Variants in LEKR1 observed in about 807,000 individuals in gnomAD.
LEKR1 encodes the protein protein LEKR1.
Under a neutral mutation model 72.4 loss-of-function variants are expected in LEKR1, and 59 were observed. The observed-to-expected ratio is 0.82, with a 90% CI of 0.66 to 1.01. The LOEUF (loss-of-function observed/expected upper bound fraction) is 1.01. Ranked by LOEUF, LEKR1 falls within the 50% of genes least tolerant of loss-of-function variation. The pLI, the probability that LEKR1 is intolerant of heterozygous loss-of-function variation, is 0.00. For missense variants in LEKR1, 728 were observed against 759.2 expected, an observed-to-expected ratio of 0.96 and a Z score of 0.48; for synonymous variants, 257 against 263.2, an observed-to-expected ratio of 0.98 and a Z score of 0.23.
intron 3 of LEKR1, among the ~76,000 whole-genome samples, chr3:156,877,320 G>A (rs563952068): frequency 3.3e-5 from 5 of 152,012 alleles, no homozygotes; most frequent in African/African-American, 4.8e-5. Context: ...TTGGAATTAC[G>A]GAGATACTGG....
intron 6 of LEKR1, among the ~76,000 whole-genome samples, chr3:156,975,426 C>T (rs775938140): frequency 3.3e-5 from 5 of 152,038 alleles, no homozygotes; most frequent in Admixed American, 1.3e-4. Flanking sequence ...AAATGTTTTG[C>T]GTTTCCTTTA....
At chr3:156,847,708 A>G (rs1292432441) in intron 2 of LEKR1, among the ~76,000 whole-genome samples, 1 of 152,156 alleles carries the variant, frequency 6.6e-6, no homozygotes, top group East Asian at 1.9e-4. Flanking sequence ...TGTGCAATGT[A>G]TTTATTTAAC....
intron 3 of LEKR1, among the ~76,000 whole-genome samples, chr3:156,884,444 C>A (rs1028356952): frequency 1.3e-5 from 2 of 151,736 alleles, no homozygotes; most frequent in African/African-American, 4.8e-5. Flanking sequence ...ATTTTGAATT[C>A]CTTTTAGCAT....
chr3:156,983,470 A>G (rs1730406954), intron 7 of LEKR1, among the ~76,000 whole-genome samples: 1 of 151,962 alleles, frequency 6.6e-6, no homozygotes, highest in African/African-American at 2.4e-5. Flanking sequence ...CTCCTTTTCC[A>G]CAGATAATCT....
chr3:156,913,674 A>C (rs1034692860), intron 3 of LEKR1, among the ~76,000 whole-genome samples: 27 of 152,204 alleles, frequency 1.8e-4, no homozygotes, highest in African/African-American at 6.3e-4. Context: ...GAATAATGGC[A>C]TCATATCCCC....
intron 5 of LEKR1, among the ~76,000 whole-genome samples, chr3:156,929,465 A>C (rs1725007678): frequency 6.6e-6 from 1 of 152,162 alleles, no homozygotes; most frequent in African/African-American, 2.4e-5. Context: ...GGTGGGATTA[A>C]TTCTCCATGA....
At chr3:156,939,490 C>G (rs1452275039) in intron 5 of LEKR1, among the ~76,000 whole-genome samples, 1 of 152,128 alleles carries the variant, frequency 6.6e-6, no homozygotes, top group Non-Finnish European at 1.5e-5. Context: ...TGTAGTAAAC[C>G]CCATATATAT....
At chr3:156,926,233 A>T (rs1271269939) in intron 4 of LEKR1, among the ~76,000 whole-genome samples, 1 of 152,066 alleles carries the variant, frequency 6.6e-6, no homozygotes, top group Non-Finnish European at 1.5e-5. Context: ...CATCTAAGAT[A>T]AACTGGCCCA....
chr3:156,929,807 C>T (rs1426295787), intron 5 of LEKR1, among the ~76,000 whole-genome samples: 2 of 152,116 alleles, frequency 1.3e-5, no homozygotes, highest in Admixed American at 1.3e-4. Flanking sequence ...TTCTAAGCGT[C>T]ATCTTGAGCC....
chr3:156,898,107 A>G (rs1053360948), intron 3 of LEKR1, among the ~76,000 whole-genome samples: 1 of 152,102 alleles, frequency 6.6e-6, no homozygotes, highest in Non-Finnish European at 1.5e-5. Flanking sequence ...GAAGACTTGG[A>G]AAAAAAATAT....
intron 6 of LEKR1, among the ~76,000 whole-genome samples, chr3:156,967,916 C>T (rs1322338663): frequency 6.6e-6 from 1 of 152,226 alleles, no homozygotes; most frequent in Admixed American, 6.5e-5. Context: ...ATTAGACTAA[C>T]AGCAGATCTC....
intron 3 of LEKR1, among the ~76,000 whole-genome samples, chr3:156,894,916 G>A (rs545492902): frequency 6.6e-6 from 1 of 152,218 alleles, no homozygotes; most frequent in South Asian, 2.1e-4. Context: ...AGACTTACAT[G>A]TAAAACCCAA....
intron 4 of LEKR1, among the ~76,000 whole-genome samples, chr3:156,924,046 A>C (rs1336712957): frequency 6.6e-6 from 1 of 152,114 alleles, no homozygotes; most frequent in Admixed American, 6.5e-5. Context: ...TTAATTTTTT[A>C]ACTGCCAACC....
chr3:156,994,867 T>G (rs1424714656), intron 9 of LEKR1, among the ~76,000 whole-genome samples: 1 of 152,244 alleles, frequency 6.6e-6, no homozygotes, highest in Non-Finnish European at 1.5e-5. Context: ...TTAGGCTTAA[T>G]TGTTTAGTCA....
chr3:156,867,364 A>G (rs1257984728), intron 3 of LEKR1, among the ~76,000 whole-genome samples: 2 of 152,066 alleles, frequency 1.3e-5, no homozygotes, highest in Non-Finnish European at 2.9e-5. Flanking sequence ...AATTTTAAGA[A>G]AATAACTCAT....
chr3:156,852,964 A>C lies in LEKR1; in HGVS notation c.245A>C (p.Asn82Thr). ...GAACTTGAACAGTACAAAATTGACA[A>C]CAAATCCAAAACAGAAAGGTTGAGT... ...SQELEQYKID[N>T]KSKTERIYDV... is the part of the protein sequence containing the mutation. The change falls in exon 3 of 13, where the codon AAC (asparagine) becomes ACC (threonine). Residue 82 changes from asparagine (N) to threonine (T), a missense_variant. Physicochemically the swap from Asn to Thr is moderately conservative, Grantham distance 65. Coordinates refer to ENST00000356539, the MANE Select transcript of LEKR1 (RefSeq NM_001004316.3). 1 of 1,534,444 alleles carries C rather than the reference A, an allele frequency of 6.5e-7. No individual in the cohort carries two copies. The highest frequency in any genetic ancestry group is 8.7e-7 in the Non-Finnish European group (1 of 1,145,012).
chr3:156,899,658 GCA>G (rs1444281147), intron 3 of LEKR1, among the ~76,000 whole-genome samples: 15 of 109,044 alleles, frequency 1.4e-4, no homozygotes, highest in African/African-American at 4.9e-4. Flanking sequence ...ATATATACAC[GCA>G]TATATACACA....
At chr3:157,022,481 G>C (rs746195817) in intron 10 of LEKR1, among the ~76,000 whole-genome samples, 4 of 152,142 alleles carry the variant, frequency 2.6e-5, no homozygotes, top group Non-Finnish European at 5.9e-5. Flanking sequence ...AGCATCTTTT[G>C]AAGGTAAAAT....
intron 3 of LEKR1, among the ~76,000 whole-genome samples, chr3:156,854,375 A>T (rs180770165): frequency 2.0e-5 from 3 of 151,186 alleles, no homozygotes; most frequent in African/African-American, 7.3e-5. Flanking sequence ...CAAACTCCTA[A>T]CCTCAGGTGA....
Sources: allele counts gnomAD v4.1 joint callset (sites outside exome capture counted in the v4.1 genomes callset), GRCh38; gene constraint gnomAD v4.1.1; transcripts MANE v1.5; gene names NCBI Gene and HGNC (gene_info 2026-07-23, HGNC 2026-07-21).